Variants in KIF26B observed in about 807,000 individuals in gnomAD.
KIF26B encodes the protein kinesin family member 26B, also known as kinesin-like protein KIF26B.
A neutral mutation model predicts 151.2 loss-of-function variants in KIF26B; 63 were observed. That is an observed-to-expected ratio of 0.42 (90% confidence interval 0.34 to 0.51). KIF26B has a LOEUF of 0.51. Among genes scored for constraint, KIF26B ranks in the 20% least tolerant of loss-of-function variants. The pLI is 0.07. For missense variants in KIF26B, 2,813 were observed against 2,913.6 expected, an observed-to-expected ratio of 0.97 and a Z score of 0.79; for synonymous variants, 1,357 against 1,262.1, an observed-to-expected ratio of 1.08 and a Z score of -1.59.
chr1:245,535,897 TA>T lies in KIF26B; in HGVS notation c.1167-4864del, dbSNP rs535767215. Among the ~76,000 whole-genome samples the T allele has an allele frequency of 6.6e-4, 101 of 152,320 alleles. 2 individuals are homozygous for T. In the South Asian group the frequency reaches 0.019, roughly 28 times the overall value. On this transcript the variant is annotated intron_variant, in intron 4 of 14. Transcript: ENST00000407071. ...TGTCATTAAATTCTCATAAAAAGTCTAAAAAAGTAGGTATTATTTTTGCTTC... is the reference window on the plus strand; with the variant it reads ...TGTCATTAAATTCTCATAAAAAGTCTAAAAAGTAGGTATTATTTTTGCTTC...
intron 3 of KIF26B, among the ~76,000 whole-genome samples, chr1:245,397,283 C>T (rs1186581370): frequency 6.6e-6 from 1 of 151,732 alleles, no homozygotes; most frequent in African/African-American, 2.4e-5. Context: ...TGGCATGATC[C>T]CAGTTTACCG....
At chr1:245,492,518 C>A (rs1001069156) in intron 4 of KIF26B, among the ~76,000 whole-genome samples, 1 of 152,094 alleles carries the variant, frequency 6.6e-6, no homozygotes, top group Non-Finnish European at 1.5e-5. Context: ...AAAACAAAGC[C>A]AACATTACAG....
intron 10 of KIF26B, among the ~76,000 whole-genome samples, chr1:245,662,660 TAC>T (rs751971928): frequency 0.59 from 57,947 of 98,712 alleles, 17,493 homozygotes; most frequent in East Asian, 0.75. Context: ...ATCCAATACA[TAC>T]ATATACCCAA....
intron 2 of KIF26B, among the ~76,000 whole-genome samples, chr1:245,158,980 A>T (rs576411816): frequency 3.3e-5 from 5 of 152,166 alleles, no homozygotes; most frequent in African/African-American, 1.2e-4. Context: ...TGTACCATGG[A>T]TGGAGGCCAT....
intron 4 of KIF26B, among the ~76,000 whole-genome samples, chr1:245,481,772 A>G (rs1223633048): frequency 2.0e-5 from 3 of 151,702 alleles, no homozygotes; most frequent in African/African-American, 7.3e-5. Context: ...AGCTTTGTTT[A>G]TTTCTTCAGA....
chr1:245,205,849 CA>C, intron 2 of KIF26B, among the ~76,000 whole-genome samples: 1 of 135,676 alleles, frequency 7.4e-6, no homozygotes, highest in African/African-American at 2.7e-5. Context: ...CCCCCACCCA[CA>C]CCCCCACCCC....
At chr1:245,603,179 T>A (rs2043415810) in intron 6 of KIF26B, among the ~76,000 whole-genome samples, 1 of 151,938 alleles carries the variant, frequency 6.6e-6, no homozygotes, top group Non-Finnish European at 1.5e-5. Context: ...CTGATTAGAA[T>A]TAGGCCATCT....
chr1:245,245,925 C>CAAAAAA (rs60181356), intron 2 of KIF26B, among the ~76,000 whole-genome samples: 8 of 111,632 alleles, frequency 7.2e-5, no homozygotes, highest in Admixed American at 3.0e-4. Context: ...GACTCCGTCT[C>CAAAAAA]AAAAAAAAAA....
At chr1:245,246,041 G>A (rs1216724471) in intron 2 of KIF26B, among the ~76,000 whole-genome samples, 2 of 151,170 alleles carry the variant, frequency 1.3e-5, no homozygotes, top group Non-Finnish European at 1.5e-5. Context: ...GCCATGAGCC[G>A]AGATCGTGCC....
At chr1:245,209,085 A>G (rs1012822105) in intron 2 of KIF26B, among the ~76,000 whole-genome samples, 7 of 152,178 alleles carry the variant, frequency 4.6e-5, no homozygotes, top group Non-Finnish European at 8.8e-5. Context: ...TATAGAACCG[A>G]TAACAGAGTG....
chr1:245,458,908 A>G (rs1659593873), intron 4 of KIF26B, among the ~76,000 whole-genome samples: 1 of 152,232 alleles, frequency 6.6e-6, no homozygotes, highest in Admixed American at 6.5e-5. Flanking sequence ...GCCTACAAAT[A>G]AGGGCATAGA....
At chr1:245,266,932 A>C (rs966597213) in intron 2 of KIF26B, among the ~76,000 whole-genome samples, 4 of 152,248 alleles carry the variant, frequency 2.6e-5, no homozygotes, top group Admixed American at 2.6e-4. Context: ...CACTAAATGC[A>C]GACACTTTTA....
intron 10 of KIF26B, chr1:245,673,929 A>G (rs537445957): frequency 2.0e-5 from 3 of 152,238 alleles, no homozygotes; most frequent in Non-Finnish European, 4.4e-5. Flanking sequence ...AGAGTAAGAA[A>G]AAATCAAGGG....
intron 4 of KIF26B, among the ~76,000 whole-genome samples, chr1:245,425,129 A>AT (rs1658593974): frequency 1.3e-5 from 2 of 151,190 alleles, no homozygotes. Context: ...GTATCATTAG[A>AT]TTTTCCCATT....
At chr1:245,179,573 C>T (rs374003727) in intron 2 of KIF26B, among the ~76,000 whole-genome samples, 6 of 152,054 alleles carry the variant, frequency 3.9e-5, no homozygotes, top group Admixed American at 2.0e-4. Context: ...TGCAGTGAGC[C>T]GAGATCACGC....
In KIF26B at chr1:245,227,893, T is replaced by G. The variant is rs1669908552; in HGVS notation, c.465+71210T>G. Among the ~76,000 whole-genome samples, 1 of 152,172 alleles carries G rather than the reference T, an allele frequency of 6.6e-6. No homozygotes were observed. The highest frequency in any genetic ancestry group is 2.1e-4 in the South Asian group (1 of 4,812). On this transcript the variant is annotated intron_variant, in intron 2 of 14. Transcript: ENST00000407071. This position sits in a 1 kb window ranked among gnomAD's most constrained non-coding sequence, Gnocchi z 4.1. ...GGCGGGCACCTGTAATCCCAGCTAC[T>G]TAGGAGGCTGAGGCAGGAGAATCGC...
At chr1:245,653,884 A>G (rs1197820579) in intron 10 of KIF26B, among the ~76,000 whole-genome samples, 1 of 127,776 alleles carries the variant, frequency 7.8e-6, no homozygotes, top group East Asian at 2.1e-4. Context: ...ACATAAGGAG[A>G]CCTCGTCTCC....
intron 6 of KIF26B, among the ~76,000 whole-genome samples, chr1:245,604,020 C>G (rs1292001859): frequency 6.6e-6 from 1 of 152,138 alleles, no homozygotes; most frequent in Non-Finnish European, 1.5e-5. Flanking sequence ...TGGATTCACC[C>G]TGGAGCTTTG....
At chr1:245,400,751 A>G (rs1012401133) in intron 3 of KIF26B, among the ~76,000 whole-genome samples, 2 of 152,198 alleles carry the variant, frequency 1.3e-5, no homozygotes, top group Non-Finnish European at 2.9e-5. Flanking sequence ...GCAGGGTTAA[A>G]TGAAATGTTA....
Sources: allele counts gnomAD v4.1 joint callset (sites outside exome capture counted in the v4.1 genomes callset), GRCh38; gene constraint gnomAD v4.1.1; non-coding constraint Gnocchi (gnomAD v3.1); transcripts MANE v1.5; gene names NCBI Gene and HGNC (gene_info 2026-07-23, HGNC 2026-07-21).